Variants in CTDSP2 observed in about 807,000 individuals in gnomAD.
The protein encoded by CTDSP2 is CTD small phosphatase 2, also known as carboxy-terminal domain RNA polymerase II polypeptide A small phosphatase 2.
A neutral mutation model predicts 31.6 loss-of-function variants in CTDSP2; 9 were observed. The ratio of observed to expected loss-of-function variants is 0.28; its 90% CI spans 0.17 to 0.50. The LOEUF is 0.50. Among genes scored for constraint, CTDSP2 ranks in the 20% least tolerant of loss-of-function variants. The pLI is 0.98. For synonymous variants in CTDSP2, 134 were observed against 134.5 expected, an observed-to-expected ratio of 1.00 and a Z score of 0.03; for missense variants, 267 against 348.5, an observed-to-expected ratio of 0.77 and a Z score of 1.86.
intron 1 of CTDSP2, 101 bp downstream of exon 1, chr12:57,846,271 C>CTT (rs1209249981): frequency 8.8e-7 from 1 of 1,136,834 alleles, no homozygotes; most frequent in Non-Finnish European, 1.3e-6. Flanking sequence ...ATCGCTGGCT[C>CTT]TAAGCCCTGG....
At chr12:57,843,550 C>T (rs527891612) in intron 1 of CTDSP2, among the ~76,000 whole-genome samples, 46 of 152,112 alleles carry the variant, frequency 3.0e-4, no homozygotes, top group Non-Finnish European at 4.0e-4. Context: ...AAAAAACCCG[C>T]AATGGCAAGT....
chr12:57,838,615 GAT>G (rs1263573742), intron 1 of CTDSP2, among the ~76,000 whole-genome samples: 1 of 152,234 alleles, frequency 6.6e-6, no homozygotes, highest in East Asian at 1.9e-4. Flanking sequence ...GCTTTAGGTT[GAT>G]ACAAACGTGA....
At chr12:57,843,796 G>GTTTTGTTT (rs1956296620) in intron 1 of CTDSP2, among the ~76,000 whole-genome samples, 1 of 152,190 alleles carries the variant, frequency 6.6e-6, no homozygotes, top group African/African-American at 2.4e-5. Context: ...TTTTGAAGAC[G>GTTTTGTTT]TAGGTTTTGT....
chr12:57,825,031 T>A (rs1956174539), intron 5 of CTDSP2, among the ~76,000 whole-genome samples: 2 of 152,184 alleles, frequency 1.3e-5, no homozygotes, highest in African/African-American at 2.4e-5. Flanking sequence ...TTTACTTATT[T>A]TTTTTAGAGA....
intron 3 of CTDSP2, 133 bp downstream of exon 3, chr12:57,827,419 G>A: frequency 1.0e-6 from 1 of 955,430 alleles, no homozygotes; most frequent in South Asian, 1.4e-5. Flanking sequence ...ACAAGTATGG[G>A]GAACAAATGG....
intron 1 of CTDSP2, among the ~76,000 whole-genome samples, chr12:57,844,732 A>G (rs1006436075): frequency 2.0e-5 from 3 of 151,912 alleles, no homozygotes; most frequent in East Asian, 3.9e-4. Context: ...CCTGGGTCAC[A>G]GCCTGGTTAG....
At chr12:57,837,832 T>C (rs1956257360) in intron 1 of CTDSP2, among the ~76,000 whole-genome samples, 1 of 152,164 alleles carries the variant, frequency 6.6e-6, no homozygotes, top group Non-Finnish European at 1.5e-5. Flanking sequence ...AGTGTCTCCA[T>C]TAGTTCCCTT....
At chr12:57,824,987 A>T (rs1429512681) in intron 5 of CTDSP2, among the ~76,000 whole-genome samples, 2 of 152,058 alleles carry the variant, frequency 1.3e-5, no homozygotes, top group African/African-American at 4.8e-5. Context: ...TGCTACTAGA[A>T]CCATTTCCAA....
At chr12:57,825,347 T>C (rs1025134555) in intron 5 of CTDSP2, among the ~76,000 whole-genome samples, 2 of 152,202 alleles carry the variant, frequency 1.3e-5, no homozygotes, top group Non-Finnish European at 2.9e-5. Context: ...AACAAGCCCC[T>C]TCCTCATCCC....
chr12:57,826,933 C>T (rs1390580865), intron 4 of CTDSP2, 63 bp downstream of exon 4: 1 of 1,280,644 alleles, frequency 7.8e-7, no homozygotes, highest in Non-Finnish European at 1.1e-6. Context: ...CCTTACACAT[C>T]TGTTGCCAGA....
At position 57,823,032 on chromosome 12, in the gene CTDSP2, G is replaced by C. The variant is rs763902517; in HGVS notation, c.*570C>G. The C allele has an allele frequency of 6.4e-6, 1 of 155,996 alleles. No individual in the cohort carries two copies. The highest frequency in any genetic ancestry group is 1.9e-4 in the East Asian group (1 of 5,314). The allele number at this position is 155,996 out of a possible 1,614,324, so 9.7% of individuals were successfully genotyped here. A position where few individuals can be genotyped will look rare whatever the true frequency, so the allele number is the denominator to read the frequency against. ...CCACAAGACCTGATGGCCACTGGAT[G>C]CTGGTCTGGAAACAAGTTCTCATCT... On this transcript the variant is annotated 3_prime_UTR_variant, in exon 8 of 8. Coordinates refer to ENST00000398073, the MANE Select transcript of CTDSP2 (RefSeq NM_005730.4).
intron 5 of CTDSP2, among the ~76,000 whole-genome samples, chr12:57,825,798 A>G (rs1956179160): frequency 6.6e-6 from 1 of 152,202 alleles, no homozygotes; most frequent in African/African-American, 2.4e-5. Context: ...GCAGTCAGAG[A>G]AGGCTTCACA....
intron 3 of CTDSP2, 69 bp from the exon 4 acceptor site, chr12:57,827,166 T>C (rs980897286): frequency 2.7e-6 from 3 of 1,101,342 alleles, no homozygotes; most frequent in Admixed American, 3.5e-5. Context: ...GGCATAATTA[T>C]GGGAAGAGCT....
In CTDSP2 at chr12:57,823,996, C is replaced by T. The variant is rs369938855; in HGVS notation, c.598G>A (p.Val200Ile). The change falls in exon 7 of 8, where the codon GTC (valine) becomes ATC (isoleucine). Residue 200 changes from valine (V) to isoleucine (I), a missense_variant. Physicochemically the swap from Val to Ile is conservative, Grantham distance 29 (BLOSUM62 3). This residue lies in a region of CTDSP2 where 156 missense variants were observed against 241.3 expected (regional missense o/e 0.65). Coordinates refer to ENST00000398073, the MANE Select transcript of CTDSP2 (RefSeq NM_005730.4). Reference sequence around the variant, plus strand: ...CTCCCCAGGCGGCTGAGGTCCTTGACGTAGCAGCCCTGGTGGAACACGCAA... The same window carrying T: ...CTCCCCAGGCGGCTGAGGTCCTTGATGTAGCAGCCCTGGTGGAACACGCAA... ...ESCVFHQGCYVKDLSRLGRDL... is the reference protein window; with the variant it reads ...ESCVFHQGCYIKDLSRLGRDL... 8.7e-6 allele frequency: 14 copies of T among 1,613,956 alleles called. No individual in the cohort carries two copies. The highest frequency in any genetic ancestry group is 4.4e-5 in the South Asian group (4 of 91,080).
intron 1 of CTDSP2, among the ~76,000 whole-genome samples, 164 bp downstream of exon 1, chr12:57,846,208 T>A (rs1956314909): frequency 6.6e-6 from 1 of 151,828 alleles, no homozygotes; most frequent in Non-Finnish European, 1.5e-5. Flanking sequence ...CCCACGGAGG[T>A]CTGAGTGCCA....
At chr12:57,826,309 A>T (rs761541519) in intron 5 of CTDSP2, 37 bp downstream of exon 5, 29 of 1,604,302 alleles carry the variant, frequency 1.8e-5, no homozygotes, top group Non-Finnish European at 2.1e-5. Context: ...CAGACCCCCC[A>T]CCCTCTGGGC....
chr12:57,844,146 G>C (rs1156837455), intron 1 of CTDSP2, among the ~76,000 whole-genome samples: 1 of 151,960 alleles, frequency 6.6e-6, no homozygotes, highest in Non-Finnish European at 1.5e-5. Context: ...AGTGAGCTGA[G>C]ATTGCGCCAC....
At position 57,837,505 on chromosome 12, in the gene CTDSP2, A is replaced by G. The variant is rs889747657; in HGVS notation, c.65-7909T>C. ...CAGAAGTTCGAGACCAGCATGACCAATATGGTGAAACCCCATCTTTACTAA... is the reference window on the plus strand; with the variant it reads ...CAGAAGTTCGAGACCAGCATGACCAGTATGGTGAAACCCCATCTTTACTAA... On this transcript the variant is annotated intron_variant, in intron 1 of 7. Coordinates refer to ENST00000398073, the MANE Select transcript of CTDSP2 (RefSeq NM_005730.4). Among the ~76,000 whole-genome samples, 3 of 152,272 alleles carry G rather than the reference A, an allele frequency of 2.0e-5. No individual in the cohort carries two copies. The East Asian group carries it at 5.8e-4, about 29-fold the overall frequency.
rs1956151786 is a variant in CTDSP2 at position 57,822,336 on chromosome 12, G to C, written c.*1266C>G. On this transcript the variant is annotated 3_prime_UTR_variant, in exon 8 of 8. Coordinates refer to ENST00000398073, the MANE Select transcript of CTDSP2 (RefSeq NM_005730.4). ...GGAGACACCCAGAGTGCAGGTCTGA[G>C]GGGCTCACTCACTCCTGTTACCAGA... is the stretch of plus-strand genomic sequence containing the variant. 6.6e-6 allele frequency: 1 copy of C among 152,266 alleles called. No individual in the cohort carries two copies. The allele number at this position is 152,266 out of a possible 1,614,324, so 9.4% of individuals were successfully genotyped here.
Sources: allele counts gnomAD v4.1 joint callset (sites outside exome capture counted in the v4.1 genomes callset), GRCh38; gene constraint gnomAD v4.1.1; regional missense constraint gnomAD v4.1.1; transcripts MANE v1.5; gene names NCBI Gene and HGNC (gene_info 2026-07-23, HGNC 2026-07-21).